STXBP5L: variants seen among roughly 807,000 people sequenced by gnomAD.
STXBP5L encodes the protein syntaxin binding protein 5L.
Under a neutral mutation model 144.5 loss-of-function variants are expected in STXBP5L, and 65 were observed. The observed-to-expected ratio is 0.45, with a 90% CI of 0.37 to 0.55. The LOEUF (loss-of-function observed/expected upper bound fraction) is 0.55, where lower values mean the gene tolerates loss of function less well. STXBP5L is among the 20% of genes least tolerant of loss of function. STXBP5L has a pLI of 0.00. For synonymous variants in STXBP5L, 505 were observed against 469.6 expected (o/e 1.08, Z -0.97); for missense variants, 1,298 against 1,405.5 (o/e 0.92, Z 1.22).
intron 9 of STXBP5L, among the ~76,000 whole-genome samples, chr3:121,192,250 CAT>C (rs1312539039): frequency 6.6e-6 from 1 of 152,184 alleles, no homozygotes; most frequent in Non-Finnish European, 1.5e-5. Context: ...AACACCTAGG[CAT>C]ACAACTTACA....
intron 11 of STXBP5L, among the ~76,000 whole-genome samples, chr3:121,232,956 T>C (rs1244483074): frequency 1.3e-5 from 2 of 152,076 alleles, no homozygotes; most frequent in Non-Finnish European, 2.9e-5. Context: ...GCTTCTTAAT[T>C]TTAGTCCCTG....
At chr3:121,329,590 G>A (rs1430216775) in intron 20 of STXBP5L, among the ~76,000 whole-genome samples, 1 of 152,226 alleles carries the variant, frequency 6.6e-6, no homozygotes, top group Admixed American at 6.5e-5. Context: ...GGTGGGACGG[G>A]TGGCCCATGC....
chr3:121,210,007 A>G (rs1166027190), intron 10 of STXBP5L, among the ~76,000 whole-genome samples: 8 of 152,226 alleles, frequency 5.3e-5, no homozygotes, highest in African/African-American at 1.7e-4. Flanking sequence ...AGGACTCACC[A>G]CACTGTCTTC....
chr3:120,926,372 C>G (rs866585396), intron 2 of STXBP5L, among the ~76,000 whole-genome samples: 1 of 76,504 alleles, frequency 1.3e-5, no homozygotes, highest in African/African-American at 4.9e-5. Flanking sequence ...TTTTTTTTTT[C>G]TTTCACCACT....
At position 121,051,803 on chromosome 3, in the gene STXBP5L, G is replaced by A. The variant is rs952250047; in HGVS notation, c.470+6268G>A. Among the ~76,000 whole-genome samples, 3 of 152,128 alleles carry A rather than the reference G, an allele frequency of 2.0e-5. No individual in the cohort carries two copies. The South Asian group carries it at 6.2e-4, about 31-fold the overall frequency. On this transcript the variant is annotated intron_variant, in intron 5 of 26. Transcript: ENST00000471454. ...AAAAAATTAATGAAGCCAGGAGCTG[G>A]TTTTTCAAAAAGATCAACAAAATTG...
At chr3:120,995,001 G>T (rs1371106943) in intron 3 of STXBP5L, among the ~76,000 whole-genome samples, 1 of 151,914 alleles carries the variant, frequency 6.6e-6, no homozygotes, top group South Asian at 2.1e-4. Context: ...GTTCAATTTT[G>T]GGAGGTTTTA....
intron 9 of STXBP5L, among the ~76,000 whole-genome samples, chr3:121,201,327 G>A (rs987569706): frequency 2.0e-5 from 3 of 152,090 alleles, no homozygotes; most frequent in East Asian, 1.9e-4. Context: ...TCAGAGACTA[G>A]GATTGCAACC....
Position 121,233,635 on chromosome 3 carries a change from T to C in STXBP5L, c.1131T>C (p.Ala377=). ...PYPNEFQEPY[A]VVVLLEKDLI... is the part of the protein sequence containing the mutation. ...TTGTAGAATTTCAAGAACCCTATGC[T>C]GTCGTGGTACTTCTGGAGAAAGATC... The change falls in exon 12 of 27, where the codon GCT becomes GCC. Residue 377 remains alanine (A), a synonymous_variant. Transcript: ENST00000471454. 2.5e-6 allele frequency: 4 copies of C among 1,612,536 alleles called. No individual in the cohort carries two copies. Among genetic ancestry groups the C allele is most frequent in the Non-Finnish European group, 3.4e-6 (4 of 1,179,180 alleles).
In STXBP5L at chr3:121,149,086, C is replaced by T. The variant is rs547089518; in HGVS notation, c.670-3391C>T. ...TGGGAATATTAACTAGGTAAGAGTA[C>T]GAAATAGGCTTCTGTGAATGGCTTG... On this transcript the variant is annotated intron_variant, in intron 7 of 26. Transcript: ENST00000471454. Among the ~76,000 whole-genome samples, 22 of 151,958 alleles carry T rather than the reference C, an allele frequency of 1.4e-4. No homozygotes were observed. The South Asian group carries it at 2.3e-3, about 16-fold the overall frequency.
At chr3:121,003,727 G>T (rs1438744045) in intron 3 of STXBP5L, among the ~76,000 whole-genome samples, 1 of 152,120 alleles carries the variant, frequency 6.6e-6, no homozygotes, top group Non-Finnish European at 1.5e-5. Flanking sequence ...ATTAATTTTT[G>T]TATAAGGTGT....
chr3:121,281,282 C>T (rs561788771), intron 19 of STXBP5L, among the ~76,000 whole-genome samples: 1 of 152,060 alleles, frequency 6.6e-6, no homozygotes, highest in Non-Finnish European at 1.5e-5. Context: ...AGTGAGGGAT[C>T]TCAACTTTTA....
chr3:120,924,222 A>G (rs1576424942), intron 2 of STXBP5L, among the ~76,000 whole-genome samples: 1 of 152,322 alleles, frequency 6.6e-6, no homozygotes, highest in Non-Finnish European at 1.5e-5. Flanking sequence ...GTTTCACAGT[A>G]CAATTGTATT....
intron 5 of STXBP5L, among the ~76,000 whole-genome samples, chr3:121,093,667 T>G (rs913692753): frequency 6.6e-6 from 1 of 152,334 alleles, no homozygotes; most frequent in Admixed American, 6.5e-5. Context: ...CTCTCTTTTT[T>G]TCTTTATTAG....
At chr3:121,067,153 A>G (rs1197559126) in intron 5 of STXBP5L, among the ~76,000 whole-genome samples, 2 of 151,326 alleles carry the variant, frequency 1.3e-5, no homozygotes, top group African/African-American at 2.4e-5. Flanking sequence ...ATGTACATGT[A>G]TTTTTCTAGT....
At chr3:121,364,966 G>A (rs980514956) in intron 20 of STXBP5L, among the ~76,000 whole-genome samples, 1 of 151,818 alleles carries the variant, frequency 6.6e-6, no homozygotes, top group African/African-American at 2.4e-5. Flanking sequence ...GCTCAATTGA[G>A]ATGATCAGGT....
At chr3:121,085,588 A>T (rs772231828) in intron 5 of STXBP5L, among the ~76,000 whole-genome samples, 1 of 152,202 alleles carries the variant, frequency 6.6e-6, no homozygotes, top group Non-Finnish European at 1.5e-5. Flanking sequence ...TGCTACAAAG[A>T]GAATAAAATA....
chr3:121,028,261 T>C (rs1277637492), intron 3 of STXBP5L, among the ~76,000 whole-genome samples: 1 of 152,132 alleles, frequency 6.6e-6, no homozygotes, highest in Non-Finnish European at 1.5e-5. Context: ...ATTATTATGC[T>C]ATTAATAAAT....
chr3:120,984,304 C>G (rs189826676), intron 3 of STXBP5L, among the ~76,000 whole-genome samples: 2 of 152,120 alleles, frequency 1.3e-5, no homozygotes, highest in Non-Finnish European at 2.9e-5. Flanking sequence ...ATTTTATGGA[C>G]GCAGATATTT....
intron 3 of STXBP5L, among the ~76,000 whole-genome samples, chr3:120,969,073 G>T (rs1206875388): frequency 6.6e-6 from 1 of 152,052 alleles, no homozygotes; most frequent in Non-Finnish European, 1.5e-5. Context: ...GGGATTGCTA[G>T]ATCAAATGGT....
Sources: allele counts gnomAD v4.1 joint callset (sites outside exome capture counted in the v4.1 genomes callset), GRCh38; gene constraint gnomAD v4.1.1; transcripts MANE v1.5; gene names NCBI Gene and HGNC (gene_info 2026-07-23, HGNC 2026-07-21).